ADAMTSL1: variants seen among roughly 807,000 people sequenced by gnomAD.
The protein encoded by ADAMTSL1 is ADAMTS like 1.
ADAMTSL1 carries 126 observed loss-of-function variants against 201.8 expected under a neutral mutation model. That is an observed-to-expected ratio of 0.62 (90% CI 0.54 to 0.72). ADAMTSL1 has a LOEUF of 0.72. ADAMTSL1 is among the 30% of genes least tolerant of loss of function. ADAMTSL1 has a pLI of 0.00. For missense variants in ADAMTSL1, 2,679 were observed against 2,277.8 expected (o/e 1.18, Z -3.59); for synonymous variants, 1,121 against 903.4 (o/e 1.24, Z -4.32).
intron 15 of ADAMTSL1, among the ~76,000 whole-genome samples, chr9:18,726,286 T>C (rs1817886479): frequency 6.6e-6 from 1 of 152,120 alleles, no homozygotes; most frequent in Non-Finnish European, 1.5e-5. Context: ...ATGGATTGCT[T>C]AAGATCGGGA....
At chr9:18,655,566 A>G (rs1828580197) in intron 7 of ADAMTSL1, among the ~76,000 whole-genome samples, 1 of 152,084 alleles carries the variant, frequency 6.6e-6, no homozygotes, top group Non-Finnish European at 1.5e-5. Context: ...AGAAGCTAAG[A>G]TTTTTTTCCC....
chr9:18,351,143 G>T (rs1835946601), intron 2 of ADAMTSL1, among the ~76,000 whole-genome samples: 1 of 151,778 alleles, frequency 6.6e-6, no homozygotes, highest in Admixed American at 6.6e-5. Context: ...TGAATGCCTT[G>T]CATCTAGATT....
chr9:18,496,177 T>A (rs1222618015), intron 1 of ADAMTSL1, among the ~76,000 whole-genome samples: 1 of 152,240 alleles, frequency 6.6e-6, no homozygotes, highest in Non-Finnish European at 1.5e-5. Context: ...ATACTGACTC[T>A]TTGTAAACTA....
chr9:18,503,421 G>GTGTATACATATATATATATA (rs376466829), intron 1 of ADAMTSL1, among the ~76,000 whole-genome samples: 2 of 115,274 alleles, frequency 1.7e-5, no homozygotes, highest in African/African-American at 6.1e-5. Context: ...ATTCCATTGT[G>GTGTATACATATATATATATA]TATATATATA....
intron 2 of ADAMTSL1, among the ~76,000 whole-genome samples, chr9:18,240,931 C>T (rs1322340347): frequency 2.0e-5 from 3 of 152,208 alleles, no homozygotes. Context: ...AGCTTCCTCA[C>T]TTCTGTCAAC....
chr9:18,086,163 A>G (rs965807582), intron 1 of ADAMTSL1, among the ~76,000 whole-genome samples: 1 of 152,112 alleles, frequency 6.6e-6, no homozygotes, highest in Admixed American at 6.6e-5. Context: ...TGAAGTGCCT[A>G]TTGGTCATTT....
intron 2 of ADAMTSL1, among the ~76,000 whole-genome samples, chr9:18,450,372 T>C (rs926491783): frequency 2.0e-5 from 3 of 152,152 alleles, no homozygotes; most frequent in African/African-American, 7.2e-5. Flanking sequence ...ATAAACTTGA[T>C]GTTTTTAAAA....
At chr9:18,382,947 C>T (rs1258496760) in intron 2 of ADAMTSL1, among the ~76,000 whole-genome samples, 2 of 152,238 alleles carry the variant, frequency 1.3e-5, no homozygotes, top group South Asian at 2.1e-4. Context: ...GCAGTAAGAT[C>T]GCACTGAAAC....
rs1266438475 is a variant in ADAMTSL1 at position 18,574,274 on chromosome 9, C to G, written c.474+8C>G. ...ATCAGTGGTTTATGCCAAGTAAGTG[C>G]TGATTTGTTCTCATTCAACTTGTCC... On this transcript the variant is annotated splice_region_variant and intron_variant, in intron 4 of 28. Coordinates refer to ENST00000380548, the MANE Select transcript of ADAMTSL1 (RefSeq NM_001040272.6). 3.7e-6 allele frequency: 6 copies of G among 1,607,650 alleles called. No individual in the cohort carries two copies. In the South Asian group the frequency reaches 6.6e-5, roughly 18 times the overall value.
intron 16 of ADAMTSL1, 72 bp from the exon 17 acceptor site, chr9:18,770,530 A>T: frequency 7.1e-7 from 1 of 1,416,944 alleles, no homozygotes; most frequent in Non-Finnish European, 9.4e-7. Flanking sequence ...CCAAATTAAG[A>T]TAAGAATTAG....
At chr9:18,382,264 G>A (rs1837590811) in intron 2 of ADAMTSL1, among the ~76,000 whole-genome samples, 1 of 152,168 alleles carries the variant, frequency 6.6e-6, no homozygotes. Flanking sequence ...TCTTTAGGAT[G>A]TCAGTGAAGA....
chr9:18,157,491 C>T (rs1827207258), intron 1 of ADAMTSL1, among the ~76,000 whole-genome samples: 2 of 151,950 alleles, frequency 1.3e-5, no homozygotes, highest in South Asian at 4.1e-4. Flanking sequence ...AATTCAGCTA[C>T]ATCTGGTCAC....
rs1377145217 is a variant in ADAMTSL1, at chr9:17,911,909, C to T, written c.87+4987C>T. ...GTCCATGTGTTCTCATTGTTCAATT[C>T]CCACCTATGAGTGAGAATATGCGGT... On this transcript the variant is annotated intron_variant, in intron 1 of 29. Coordinates refer to the ADAMTSL1 transcript ENST00000680146. 4.3e-5 allele frequency among the ~76,000 whole-genome samples: 2 copies of T among 46,612 alleles called. 1 individual carries two copies. Among genetic ancestry groups the T allele is most frequent in the Admixed American group, 6.8e-4 (2 of 2,936 alleles). The allele number at this position is 46,612 out of a possible 152,430, so 30.6% of individuals were successfully genotyped here. A position where few individuals can be genotyped will look rare whatever the true frequency, so the allele number is the denominator to read the frequency against.
At chr9:17,988,502 A>G (rs539448865) in intron 1 of ADAMTSL1, among the ~76,000 whole-genome samples, 2 of 151,866 alleles carry the variant, frequency 1.3e-5, no homozygotes, top group African/African-American at 4.8e-5. Context: ...TACCAGGCCC[A>G]TGTGTTATTA....
intron 2 of ADAMTSL1, among the ~76,000 whole-genome samples, chr9:18,228,255 G>A (rs1025372751): frequency 1.3e-5 from 2 of 152,140 alleles, no homozygotes; most frequent in African/African-American, 4.8e-5. Context: ...TGCGTGGTTT[G>A]GATAACAAGC....
At chr9:18,890,017 C>G (rs1029009230) in intron 25 of ADAMTSL1, among the ~76,000 whole-genome samples, 3 of 152,150 alleles carry the variant, frequency 2.0e-5, no homozygotes, top group Admixed American at 1.3e-4. Context: ...GTTCAGGGAG[C>G]AAGAGCTTCC....
chr9:18,632,920 C>G (rs1003411863), intron 5 of ADAMTSL1, among the ~76,000 whole-genome samples: 4 of 152,166 alleles, frequency 2.6e-5, no homozygotes, highest in African/African-American at 7.2e-5. Flanking sequence ...ATACCCTCTT[C>G]CTCAACAACT....
chr9:18,212,331 C>G (rs1439608056), intron 2 of ADAMTSL1, among the ~76,000 whole-genome samples: 1 of 152,112 alleles, frequency 6.6e-6, no homozygotes, highest in African/African-American at 2.4e-5. Context: ...GCCAATGTTT[C>G]TTGTGTGACA....
At chr9:18,339,887 C>T (rs1730203881) in intron 2 of ADAMTSL1, among the ~76,000 whole-genome samples, 1 of 152,204 alleles carries the variant, frequency 6.6e-6, no homozygotes, top group South Asian at 2.1e-4. Context: ...TGCCCCATCT[C>T]TCTCTTCCAT....
Sources: allele counts gnomAD v4.1 joint callset (sites outside exome capture counted in the v4.1 genomes callset), GRCh38; gene constraint gnomAD v4.1.1; transcripts MANE v1.5; gene names NCBI Gene and HGNC (gene_info 2026-07-23, HGNC 2026-07-21).